CXCL12: variants seen among roughly 807,000 people sequenced by gnomAD.
CXCL12 encodes stromal cell-derived factor 1.
In CXCL12, 4 loss-of-function variants were observed where a neutral mutation model predicts 10.7. The observed-to-expected ratio is 0.37, with a 90% CI of 0.18 to 0.86. The LOEUF is 0.86. Among genes scored for constraint, CXCL12 ranks in the 40% least tolerant of loss-of-function variants. The pLI, the probability that CXCL12 is intolerant of heterozygous loss-of-function variation, is 0.43. For missense variants in CXCL12, 122 were observed against 110.4 expected (o/e 1.10, Z -0.47); for synonymous variants, 54 against 45.4 (o/e 1.19, Z -0.77).
At chr10:44,372,756 C>T, downstream of CXCL12, 2 of 1,437,248 alleles carry the variant, frequency 1.4e-6, no homozygotes, top group African/African-American at 1.4e-5. Flanking sequence ...CCTGGCCTCA[C>T]ACTGCTGCCT....
Position 44,378,434 on chromosome 10 carries a change from A to G in CXCL12, c.*199T>C. ...GGCATGGATGAATATAAGCTGCAAT[A>G]TCATACCGTATGCTATAAATGCAGG... On this transcript the variant is annotated 3_prime_UTR_variant, in exon 3 of 3. Transcript: ENST00000343575. The G allele has an allele frequency of 6.5e-7, 1 of 1,546,480 alleles. No individual in the cohort carries two copies.
chr10:44,372,720 G>T, downstream of CXCL12: 1 of 1,427,012 alleles, frequency 7.0e-7, no homozygotes, highest in Non-Finnish European at 9.1e-7. Flanking sequence ...GGAGGTGCTC[G>T]GGATGAGGGC....
downstream of CXCL12, among the ~76,000 whole-genome samples, chr10:44,373,783 CA>C (rs1839380253): frequency 6.6e-6 from 1 of 152,200 alleles, no homozygotes. Context: ...GCCTCTCAGC[CA>C]GGGGCCATGC....
chr10:44,376,142 T>C (rs1839443740), downstream of CXCL12: 3 of 1,215,854 alleles, frequency 2.5e-6, no homozygotes. Context: ...GTGCCTTCAG[T>C]CTCAGGCCTG....
downstream of CXCL12, chr10:44,375,850 G>T: frequency 1.9e-6 from 3 of 1,584,866 alleles, no homozygotes; most frequent in Non-Finnish European, 2.6e-6. Context: ...TGCCCAGTCT[G>T]CATGGGGGTC....
chr10:44,372,685 A>T (rs1417970669), downstream of CXCL12: 1 of 1,415,728 alleles, frequency 7.1e-7, no homozygotes, highest in African/African-American at 1.4e-5. Context: ...GAGACAGAGA[A>T]TGATGAGCAG....
chr10:44,375,762 TA>T, downstream of CXCL12: 1 of 1,310,722 alleles, frequency 7.6e-7, no homozygotes, highest in South Asian at 1.6e-5. Context: ...ACAAGGGCCT[TA>T]AAAAGCACAT....
chr10:44,372,486 G>C (rs559274279), downstream of CXCL12: 3 of 380,736 alleles, frequency 7.9e-6, no homozygotes, highest in East Asian at 3.2e-4. Flanking sequence ...GGAGGACGCT[G>C]GCTTTGAACA....
downstream of CXCL12, chr10:44,374,265 G>A (rs1404797955): frequency 2.7e-6 from 1 of 364,432 alleles, no homozygotes; most frequent in Non-Finnish European, 5.4e-6. Context: ...AGGACAGACT[G>A]GCCACCCCTC....
downstream of CXCL12, chr10:44,372,531 A>G (rs2132035694): frequency 1.4e-6 from 1 of 728,608 alleles, no homozygotes; most frequent in Middle Eastern, 5.4e-4. Context: ...AATATTCCAA[A>G]CAAGACACAG....
chr10:44,378,813 G>T, intron 2 of CXCL12, 90 bp from the exon 3 acceptor site: 1 of 1,266,660 alleles, frequency 7.9e-7, no homozygotes, highest in South Asian at 1.2e-5. Flanking sequence ...ACCCATCTAG[G>T]GCCCTCGCTG....
At chr10:44,372,792 C>T (rs952324236), downstream of CXCL12, 331 of 1,460,708 alleles carry the variant, frequency 2.3e-4, 1 homozygote, top group Non-Finnish European at 2.9e-4. Context: ...CTGCTGCCCT[C>T]CCAGAAGAGG....
chr10:44,378,856 CCA>C, intron 2 of CXCL12, 133 bp from the exon 3 acceptor site: 1 of 861,990 alleles, frequency 1.2e-6, no homozygotes, highest in South Asian at 1.5e-5. Context: ...CGCTCAGGCT[CCA>C]GAGGTGCTCG....
In CXCL12 at chr10:44,377,296, G is replaced by C; in HGVS notation, c.*1337C>G. 2 of 1,002,188 alleles carry C rather than the reference G, an allele frequency of 2.0e-6. No individual in the cohort carries two copies. Among genetic ancestry groups the C allele is most frequent in the Non-Finnish European group, 2.4e-6 (2 of 839,692 alleles). The allele number at this position is 1,002,188 out of a possible 1,614,324, so 62.1% of individuals were successfully genotyped here. A position where few individuals can be genotyped will look rare whatever the true frequency, so the allele number is the denominator to read the frequency against. On this transcript the variant is annotated 3_prime_UTR_variant, in exon 3 of 3. Transcript: ENST00000343575. The stretch of plus-strand genomic sequence containing the variant: ...AAATTGCCAGTAGTTTGAGATAATA[G>C]AGAAGTATAAACTACTGACATTCAT...
chr10:44,377,567 A>G lies in CXCL12; in HGVS notation c.*1066T>C, dbSNP rs1839492925. The G allele has an allele frequency of 1.4e-6, 2 of 1,463,476 alleles. No individual in the cohort carries two copies. Among genetic ancestry groups the G allele is most frequent in the Non-Finnish European group, 1.8e-6 (2 of 1,112,742 alleles). The allele number at this position is 1,463,476 out of a possible 1,614,324, so 90.7% of individuals were successfully genotyped here. A position where few individuals can be genotyped will look rare whatever the true frequency, so the allele number is the denominator to read the frequency against. On this transcript the variant is annotated 3_prime_UTR_variant, in exon 3 of 3. Coordinates refer to ENST00000343575, the MANE Select transcript of CXCL12 (RefSeq NM_199168.4). ...TTCAGGAGGGGGTAGTGGCAAGATG[A>G]TGGTTTATTCACTGATTTTTTCGCT...
chr10:44,384,101 G>T (rs941720588), intron 1 of CXCL12, among the ~76,000 whole-genome samples: 1 of 152,256 alleles, frequency 6.6e-6, no homozygotes, highest in Non-Finnish European at 1.5e-5. Flanking sequence ...CAGGGCCTTG[G>T]AGATTGAACT....
chr10:44,383,307 G>C (rs1159792101), intron 1 of CXCL12, among the ~76,000 whole-genome samples: 1 of 152,154 alleles, frequency 6.6e-6, no homozygotes, highest in Non-Finnish European at 1.5e-5. Flanking sequence ...CTGGTTACTT[G>C]GCTGCCAATG....
At chr10:44,372,638 G>A, downstream of CXCL12, 5 of 1,357,890 alleles carry the variant, frequency 3.7e-6, no homozygotes, top group South Asian at 4.0e-5. Flanking sequence ...CTTTTGCAGG[G>A]CCATGGAGAC....
downstream of CXCL12, among the ~76,000 whole-genome samples, chr10:44,376,893 C>A (rs1469929512): frequency 5.4e-5 from 8 of 149,342 alleles, no homozygotes; most frequent in African/African-American, 1.7e-4. Flanking sequence ...AGAAAACCAG[C>A]ACTGCTATTT....
Sources: allele counts gnomAD v4.1 joint callset (sites outside exome capture counted in the v4.1 genomes callset), GRCh38; gene constraint gnomAD v4.1.1; transcripts MANE v1.5; gene names NCBI Gene and HGNC (gene_info 2026-07-23, HGNC 2026-07-21).